The following YIPF4 variants were observed in gnomAD, a reference collection of about 807,000 sequenced individuals.
YIPF4 encodes protein YIPF4.
In YIPF4, 18 loss-of-function variants were observed where a neutral mutation model predicts 29.4. That is an observed-to-expected ratio of 0.61 (90% CI 0.42 to 0.91). The LOEUF is 0.91. YIPF4 is among the 40% of genes least tolerant of loss of function. The pLI is 0.00. For synonymous variants in YIPF4, 115 were observed against 104.7 expected (o/e 1.10, Z -0.60); for missense variants, 279 against 282.7 (o/e 0.99, Z 0.09).
At chr2:32,302,069 C>A (rs535028371) in intron 5 of YIPF4, among the ~76,000 whole-genome samples, 1 of 143,486 alleles carries the variant, frequency 7.0e-6, no homozygotes, top group Admixed American at 7.2e-5. Context: ...CTTGCTCTGT[C>A]GCCCAGGCTG....
At chr2:32,293,461 A>G (rs1045120815) in intron 3 of YIPF4, among the ~76,000 whole-genome samples, 3 of 152,256 alleles carry the variant, frequency 2.0e-5, no homozygotes, top group Non-Finnish European at 4.4e-5. Flanking sequence ...TTAGTACAGA[A>G]CAAAATGAAG....
At chr2:32,279,312 C>G (rs2030271432) in intron 1 of YIPF4, among the ~76,000 whole-genome samples, 1 of 151,544 alleles carries the variant, frequency 6.6e-6, no homozygotes, top group South Asian at 2.1e-4. Context: ...CAGTTATTTT[C>G]CAGTGACCAG....
intron 4 of YIPF4, 50 bp from the exon 5 acceptor site, chr2:32,301,332 T>C (rs2031396795): frequency 8.5e-7 from 1 of 1,176,780 alleles, no homozygotes; most frequent in South Asian, 1.3e-5. Context: ...TTGATTAAAA[T>C]GAGTATCTTG....
Position 32,278,087 on chromosome 2 carries a change from C to T in YIPF4, c.-69C>T. The T allele has an allele frequency of 1.4e-6, 2 of 1,410,070 alleles. No individual in the cohort carries two copies. The highest frequency in any genetic ancestry group is 2.4e-5 in the Admixed American group (1 of 40,890). 87.3% of individuals were successfully genotyped at this position (1,410,070 alleles called of 1,614,324 possible). On this transcript the variant is annotated 5_prime_UTR_variant, in exon 1 of 6. Coordinates refer to ENST00000238831, the MANE Select transcript of YIPF4 (RefSeq NM_032312.4). ...GTAGGGCGAGCGTGCGGGTCGCCGC[C>T]GCGGCCGCCTCGGGGTCTGGGCCCA...
intron 4 of YIPF4, among the ~76,000 whole-genome samples, chr2:32,299,188 C>G (rs2031305842): frequency 1.3e-5 from 2 of 152,068 alleles, no homozygotes; most frequent in Admixed American, 1.3e-4. Flanking sequence ...TTTATTCTTA[C>G]AGAAATTCTC....
At chr2:32,279,835 A>G (rs1222451761) in intron 1 of YIPF4, among the ~76,000 whole-genome samples, 1 of 150,492 alleles carries the variant, frequency 6.6e-6, no homozygotes, top group Non-Finnish European at 1.5e-5. Context: ...TTTAAAATGT[A>G]CAATAAAATT....
chr2:32,283,919 C>G (rs1351507700), intron 1 of YIPF4, among the ~76,000 whole-genome samples: 3 of 151,870 alleles, frequency 2.0e-5, no homozygotes, highest in Non-Finnish European at 4.4e-5. Flanking sequence ...GGGGTTTTAC[C>G]ACGTTGGTCA....
intron 1 of YIPF4, among the ~76,000 whole-genome samples, chr2:32,284,861 T>C (rs1267967823): frequency 6.6e-6 from 1 of 151,926 alleles, no homozygotes; most frequent in Non-Finnish European, 1.5e-5. Flanking sequence ...AGAGTCCAGA[T>C]TGAGAGGAGA....
rs2031656042 is a variant in YIPF4, at chr2:32,308,989, C to G, written c.*3363C>G. 1.3e-5 allele frequency: 2 copies of G among 149,800 alleles called. No homozygotes were observed. Among genetic ancestry groups the G allele is most frequent in the Admixed American group, 1.3e-4 (2 of 15,026 alleles). 9.3% of individuals were successfully genotyped at this position (149,800 alleles called of 1,614,324 possible). A position where few individuals can be genotyped will look rare whatever the true frequency, so the allele number is the denominator to read the frequency against. On this transcript the variant is annotated 3_prime_UTR_variant, in exon 6 of 6. Transcript: ENST00000238831. ...GAGGTTGCAGTGAGCCAAGATCGTG[C>G]CACTGCACTCCAGCCTAGGTGACAG...
chr2:32,293,904 A>C (rs1384338175), intron 3 of YIPF4, among the ~76,000 whole-genome samples: 56 of 60,186 alleles, frequency 9.3e-4, no homozygotes, highest in South Asian at 1.8e-3. Context: ...GACCCCCCCC[A>C]CCTCCCTCCC....
At chr2:32,284,188 T>G (rs2148958347) in intron 1 of YIPF4, among the ~76,000 whole-genome samples, 1 of 152,292 alleles carries the variant, frequency 6.6e-6, no homozygotes, top group African/African-American at 2.4e-5. Context: ...TCCCAAATAG[T>G]CTCTCCTTTC....
At chr2:32,300,230 C>G (rs180780032) in intron 4 of YIPF4, among the ~76,000 whole-genome samples, 2 of 151,878 alleles carry the variant, frequency 1.3e-5, no homozygotes, top group Non-Finnish European at 2.9e-5. Flanking sequence ...CGCAACATTG[C>G]ACTTTAGCCT....
At chr2:32,295,629 G>C (rs1042252593) in intron 3 of YIPF4, among the ~76,000 whole-genome samples, 12 of 151,892 alleles carry the variant, frequency 7.9e-5, no homozygotes, top group African/African-American at 2.4e-4. Context: ...TTTAGACGGA[G>C]TTTCACTCTT....
intron 1 of YIPF4, among the ~76,000 whole-genome samples, chr2:32,281,680 G>C (rs1043997338): frequency 5.3e-5 from 8 of 151,944 alleles, no homozygotes; most frequent in Admixed American, 3.9e-4. Flanking sequence ...TTAAGCTCGA[G>C]AGTTTGATAC....
chr2:32,301,543 A>G (rs754141722), intron 5 of YIPF4, 48 bp downstream of exon 5: 7 of 1,296,322 alleles, frequency 5.4e-6, no homozygotes, highest in Non-Finnish European at 6.7e-6. Flanking sequence ...TCCAATGTCA[A>G]AAGTATACTA....
chr2:32,301,809 G>T (rs1259862074), intron 5 of YIPF4, among the ~76,000 whole-genome samples: 1 of 152,130 alleles, frequency 6.6e-6, no homozygotes, highest in Admixed American at 6.5e-5. Context: ...AGGTTCATGT[G>T]ATTCTCCTGC....
rs2031706945 is a variant in YIPF4, at chr2:32,311,045, C to T, written c.*5419C>T. The T allele has an allele frequency of 6.6e-6, 1 of 152,038 alleles. No individual in the cohort carries two copies. The highest frequency in any genetic ancestry group is 1.5e-5 in the Non-Finnish European group (1 of 68,028). The allele number at this position is 152,038 out of a possible 1,614,324, so 9.4% of individuals were successfully genotyped here. The stretch of plus-strand genomic sequence containing the variant: ...CAACTTTGACATCAAAAAAGCTAGA[C>T]ATTCCTACATTTTTGCACTACAATA... On this transcript the variant is annotated 3_prime_UTR_variant, in exon 6 of 6. Coordinates refer to ENST00000238831, the MANE Select transcript of YIPF4 (RefSeq NM_032312.4).
chr2:32,300,665 A>G (rs1419698924), intron 4 of YIPF4, among the ~76,000 whole-genome samples: 1 of 152,078 alleles, frequency 6.6e-6, no homozygotes, highest in Non-Finnish European at 1.5e-5. Context: ...GACAAAACCT[A>G]GTATAATATT....
rs1411699998 is a variant in YIPF4, at chr2:32,286,024, A to G, written c.80-4459A>G. On this transcript the variant is annotated intron_variant, in intron 1 of 5. Coordinates refer to ENST00000238831, the MANE Select transcript of YIPF4 (RefSeq NM_032312.4). The stretch of plus-strand genomic sequence containing the variant: ...TTTATTTCCTTTTTGAAAACTGAAA[A>G]TGACATTTTAGCCAACCTTTCTTAG... 3.9e-5 allele frequency among the ~76,000 whole-genome samples: 6 copies of G among 152,214 alleles called. No homozygotes were observed. In the East Asian group the frequency reaches 9.6e-4, roughly 24 times the overall value.
Sources: gnomAD v4.1 joint callset for allele counts (sites outside exome capture counted in the v4.1 genomes callset) on GRCh38, gnomAD v4.1.1 for gene constraint, MANE v1.5 for transcripts, NCBI Gene and HGNC (gene_info 2026-07-23, HGNC 2026-07-21) for gene names.